The following B9D2 variants were observed in gnomAD, a reference collection of about 807,000 sequenced individuals.
The protein encoded by B9D2 is B9 domain-containing protein 2.
Under a neutral mutation model 19.2 loss-of-function variants are expected in B9D2, and 21 were observed. That is an observed-to-expected ratio of 1.09 (90% CI 0.78 to 1.58). The LOEUF is 1.58. Among genes scored for constraint, B9D2 ranks in the 40% most tolerant of loss-of-function variants. The pLI is 0.00. For synonymous variants in B9D2, 91 were observed against 100.6 expected (o/e 0.90, Z 0.57); for missense variants, 221 against 244.3 (o/e 0.90, Z 0.64).
chr19:41,361,426 A>G (rs2038400781), intron 2 of B9D2, among the ~76,000 whole-genome samples: 1 of 152,140 alleles, frequency 6.6e-6, no homozygotes, highest in African/African-American at 2.4e-5. Flanking sequence ...CCTGCCCCTC[A>G]TCCATCAGCT....
intron 3 of B9D2, among the ~76,000 whole-genome samples, chr19:41,356,538 A>T (rs2038316093): frequency 6.6e-6 from 1 of 151,884 alleles, no homozygotes; most frequent in South Asian, 2.1e-4. Context: ...AAAAGACAGA[A>T]AGATTATTTA....
chr19:41,358,206 G>C (rs1292811059), intron 2 of B9D2, among the ~76,000 whole-genome samples, 184 bp from the exon 3 acceptor site: 2 of 152,196 alleles, frequency 1.3e-5, no homozygotes, highest in African/African-American at 2.4e-5. Flanking sequence ...CCTTGGGCAA[G>C]TTAGCTTTCT....
In B9D2 at chr19:41,361,817, C is replaced by T. The variant is rs1252844952; in HGVS notation, c.88+1615G>A. Among the ~76,000 whole-genome samples the T allele has an allele frequency of 3.2e-5, 2 of 63,378 alleles. 1 individual carries two copies. The highest frequency in any genetic ancestry group is 6.3e-5 in the Non-Finnish European group (2 of 31,574). The allele number at this position is 63,378 out of a possible 152,430, so 41.6% of individuals were successfully genotyped here. Reference sequence around the variant, plus strand: ...AAAAAGGGCCAGGCGCAGTGGCTCACGCCTGTAATCCCAGCACTTTGGAAG... The same window carrying T: ...AAAAAGGGCCAGGCGCAGTGGCTCATGCCTGTAATCCCAGCACTTTGGAAG... On this transcript the variant is annotated intron_variant, in intron 2 of 3. Coordinates refer to ENST00000243578, the MANE Select transcript of B9D2 (RefSeq NM_030578.4).
intron 2 of B9D2, among the ~76,000 whole-genome samples, chr19:41,358,554 C>T (rs2038352709): frequency 1.3e-5 from 2 of 152,054 alleles, no homozygotes; most frequent in African/African-American, 4.8e-5. Flanking sequence ...GCATAGTGAG[C>T]ACGGGATAAG....
intron 2 of B9D2, 116 bp downstream of exon 2, chr19:41,363,316 G>A: frequency 1.9e-6 from 2 of 1,026,744 alleles, no homozygotes; most frequent in Non-Finnish European, 1.5e-6. Flanking sequence ...TGGGCCTGGA[G>A]TACTGAGAAC....
intron 2 of B9D2, among the ~76,000 whole-genome samples, chr19:41,362,078 C>CAAA (rs940435937): frequency 1.5e-4 from 7 of 46,000 alleles, no homozygotes; most frequent in East Asian, 8.5e-4. Flanking sequence ...GACTCTGTCT[C>CAAA]AAAAAAAAAA....
In B9D2 at chr19:41,364,091, G is replaced by C. The variant is rs1359700658; in HGVS notation, c.-138C>G. On this transcript the variant is annotated 5_prime_UTR_variant, in exon 1 of 4. It adds an upstream start codon to the 5' untranslated region. Coordinates refer to ENST00000243578, the MANE Select transcript of B9D2 (RefSeq NM_030578.4). ...TCTCCCAGGACCCGCCTGGCTGCGA[G>C]ATATGTAAGCCGCGATACTTCCGCG... 2 of 165,750 alleles carry C rather than the reference G, an allele frequency of 1.2e-5. No homozygotes were observed. The highest frequency in any genetic ancestry group is 2.7e-5 in the Non-Finnish European group (2 of 74,414). The allele number at this position is 165,750 out of a possible 1,614,324, so 10.3% of individuals were successfully genotyped here. A position where few individuals can be genotyped will look rare whatever the true frequency, so the allele number is the denominator to read the frequency against.
intron 2 of B9D2, among the ~76,000 whole-genome samples, chr19:41,362,693 C>A (rs1397414592): frequency 2.0e-5 from 3 of 152,192 alleles, no homozygotes; most frequent in Non-Finnish European, 2.9e-5. Context: ...TTCACATAAT[C>A]AGCCCAAGGG....
At chr19:41,363,624 G>C (rs932817161) in intron 1 of B9D2, 101 bp from the exon 2 acceptor site, 22 of 1,074,304 alleles carry the variant, frequency 2.0e-5, no homozygotes, top group Non-Finnish European at 2.9e-5. Flanking sequence ...GTAGTACTAG[G>C]ATTCCAAGCT....
At position 41,354,723 on chromosome 19, in the gene B9D2, C is replaced by A; in HGVS notation, c.505G>T (p.Asp169Tyr). 1 of 1,614,030 alleles carries A rather than the reference C, an allele frequency of 6.2e-7. No individual in the cohort carries two copies. Among genetic ancestry groups the A allele is most frequent in the Non-Finnish European group, 8.5e-7 (1 of 1,180,022 alleles). The stretch of plus-strand genomic sequence containing the variant: ...CCTCAGCACTCCACGCCGTAGCGGT[C>A]GAAGTTGCGGAGCAGCAGGCCGATC... ...LEIGLLLRNF[D>Y]RYGVEC The change falls in exon 4 of 4, where the codon GAC (aspartate) becomes TAC (tyrosine). Residue 169 changes from aspartate to tyrosine, a missense_variant. Transcript: ENST00000243578.
rs375676828 is a variant in B9D2 at position 41,357,927 on chromosome 19, C to T, written c.184G>A (p.Asp62Asn). ...AGACCTTTGGTGGCGAAGTGCAGGT[C>T]GATGGGGTGGGACCAGTAAGCCATG... is the stretch of plus-strand genomic sequence containing the variant. ...GDMAYWSHPI[D>N]LHFATKGLQG... Residue 62 changes from aspartate to asparagine, a missense_variant, in exon 3 of 4, where the codon GAC (aspartate) becomes AAC (asparagine). Asp to Asn is a conservative substitution (Grantham distance 23). Coordinates refer to ENST00000243578, the MANE Select transcript of B9D2 (RefSeq NM_030578.4). The T allele has an allele frequency of 5.6e-6, 9 of 1,614,004 alleles. No individual in the cohort carries two copies. Among genetic ancestry groups the T allele is most frequent in the South Asian group, 2.2e-5 (2 of 91,090 alleles).
intron 2 of B9D2, among the ~76,000 whole-genome samples, chr19:41,360,665 C>G (rs1199877281): frequency 6.7e-6 from 1 of 149,936 alleles, no homozygotes; most frequent in Non-Finnish European, 1.5e-5. Context: ...GCCGCCATGC[C>G]CAGCTAATTT....
In B9D2 at chr19:41,354,554, T is replaced by C. The variant is rs2123123950; in HGVS notation, c.*146A>G. On this transcript the variant is annotated 3_prime_UTR_variant, in exon 4 of 4. Coordinates refer to ENST00000243578, the MANE Select transcript of B9D2 (RefSeq NM_030578.4). ...AACTGGGCCCAGAGGGACCCCGAGG[T>C]CCTAGAAAGGACAGAAGCGGTGCCA... 1 of 1,081,346 alleles carries C rather than the reference T, an allele frequency of 9.2e-7. No individual in the cohort carries two copies. Among genetic ancestry groups the C allele is most frequent in the East Asian group, 2.6e-5 (1 of 38,738 alleles). The allele number at this position is 1,081,346 out of a possible 1,614,324, so 67.0% of individuals were successfully genotyped here.
At chr19:41,360,721 C>T (rs2038391912) in intron 2 of B9D2, among the ~76,000 whole-genome samples, 1 of 152,088 alleles carries the variant, frequency 6.6e-6, no homozygotes, top group Non-Finnish European at 1.5e-5. Flanking sequence ...GTTAGCCAGG[C>T]TGGTCTCAAA....
chr19:41,358,148 C>G, intron 2 of B9D2, 126 bp from the exon 3 acceptor site: 1 of 1,398,528 alleles, frequency 7.2e-7, no homozygotes, highest in Non-Finnish European at 9.8e-7. Context: ...ACTCTGGAAC[C>G]AAGTATCTGG....
Position 41,354,467 on chromosome 19 carries a change from C to G in B9D2, c.*233G>C. On this transcript the variant is annotated 3_prime_UTR_variant, in exon 4 of 4. Coordinates refer to ENST00000243578, the MANE Select transcript of B9D2 (RefSeq NM_030578.4). ...GAGCACCTCCCATGTGGCTAAGCAG[C>G]CTCCTGTCACTCAACACCCTGCGAC... 1 of 626,468 alleles carries G rather than the reference C, an allele frequency of 1.6e-6. No homozygotes were observed. The highest frequency in any genetic ancestry group is 2.6e-5 in the Admixed American group (1 of 38,724). 38.8% of individuals were successfully genotyped at this position (626,468 alleles called of 1,614,324 possible).
intron 3 of B9D2, 97 bp from the exon 4 acceptor site, chr19:41,355,110 A>G (rs1470281824): frequency 7.2e-6 from 9 of 1,245,460 alleles, no homozygotes; most frequent in Non-Finnish European, 9.8e-6. Flanking sequence ...CCCCAGGCCC[A>G]GTCTTTTCCT....
At position 41,363,350 on chromosome 19, in the gene B9D2, T is replaced by C. The variant is rs868809156; in HGVS notation, c.88+82A>G. On this transcript the variant is annotated intron_variant, in intron 2 of 3. Coordinates refer to ENST00000243578, the MANE Select transcript of B9D2 (RefSeq NM_030578.4). Reference sequence around the variant, plus strand: ...ACTGATGGAAATGAGGTTAAGAGTCTGCGTTAAGGGGTGGAGGAAGGAGCA... The same window carrying C: ...ACTGATGGAAATGAGGTTAAGAGTCCGCGTTAAGGGGTGGAGGAAGGAGCA... 356 of 1,381,014 alleles carry C rather than the reference T, an allele frequency of 2.6e-4. 1 individual carries two copies. In the Middle Eastern group the frequency reaches 6.5e-3, roughly 25 times the overall value. The allele number at this position is 1,381,014 out of a possible 1,614,324, so 85.5% of individuals were successfully genotyped here. A position where few individuals can be genotyped will look rare whatever the true frequency, so the allele number is the denominator to read the frequency against.
Position 41,362,936 on chromosome 19 carries a change from T to C in B9D2, c.88+496A>G, listed in dbSNP as rs375144219. 3.0e-4 allele frequency: 64 copies of C among 212,330 alleles called. 1 individual carries two copies. In the South Asian group the frequency reaches 4.0e-3, roughly 13 times the overall value. The allele number at this position is 212,330 out of a possible 1,614,324, so 13.2% of individuals were successfully genotyped here. A position where few individuals can be genotyped will look rare whatever the true frequency, so the allele number is the denominator to read the frequency against. On this transcript the variant is annotated intron_variant, in intron 2 of 3. Coordinates refer to ENST00000243578, the MANE Select transcript of B9D2 (RefSeq NM_030578.4). Reference sequence around the variant, plus strand: ...ATACCATGACTCTATAGGGCCTCAGTTGGGGAAGCATGAACAAAATTACTT... The same window carrying C: ...ATACCATGACTCTATAGGGCCTCAGCTGGGGAAGCATGAACAAAATTACTT...
Sources: gnomAD v4.1 joint callset for allele counts (sites outside exome capture counted in the v4.1 genomes callset) on GRCh38, gnomAD v4.1.1 for gene constraint, MANE v1.5 for transcripts, NCBI Gene and HGNC (gene_info 2026-07-23, HGNC 2026-07-21) for gene names.